The following NFIB variants were observed in gnomAD, a reference collection of about 807,000 sequenced individuals.
NFIB encodes nuclear factor 1 B-type.
Under a neutral mutation model 61.5 loss-of-function variants are expected in NFIB, and 11 were observed. The observed-to-expected ratio is 0.18, with a 90% CI of 0.11 to 0.30. The LOEUF is 0.30. NFIB is among the 10% of genes least tolerant of loss of function. The probability of loss-of-function intolerance (pLI) is 1.00; values close to 1 mark genes in which losing one functional copy is unlikely to be tolerated. For synonymous variants in NFIB, 260 were observed against 216.5 expected (o/e 1.20, Z -1.76); for missense variants, 471 against 608.9 (o/e 0.77, Z 2.38).
chr9:14,389,903 G>T (rs564747552), intron 1 of NFIB, among the ~76,000 whole-genome samples: 2 of 152,158 alleles, frequency 1.3e-5, no homozygotes, highest in Non-Finnish European at 2.9e-5. Flanking sequence ...TCCTTAGTCT[G>T]GGCAGTTGTG....
the NFIB span, among the ~76,000 whole-genome samples, chr9:14,507,344 T>C: frequency 6.6e-6 from 1 of 152,256 alleles, no homozygotes; most frequent in African/African-American, 2.4e-5. Context: ...AGATGTATTT[T>C]CTATATTATA....
the NFIB span, among the ~76,000 whole-genome samples, chr9:14,472,854 T>C: frequency 1.5e-5 from 2 of 136,258 alleles, no homozygotes; most frequent in Admixed American, 1.4e-4. Flanking sequence ...AAAATAAAAA[T>C]AAAAAAAAAA....
intron 10 of NFIB, chr9:14,096,360 C>A (rs1010674389): frequency 6.6e-6 from 1 of 152,132 alleles, no homozygotes; most frequent in Non-Finnish European, 1.5e-5. Context: ...CCTAAGCGAA[C>A]AAAGAGTGCT....
chr9:14,451,396 T>C, the NFIB span, among the ~76,000 whole-genome samples: 2 of 152,240 alleles, frequency 1.3e-5, no homozygotes, highest in African/African-American at 2.4e-5. Context: ...TGAACCTTAA[T>C]GTGCTCACTA....
chr9:14,475,535 C>A, the NFIB span, among the ~76,000 whole-genome samples: 3 of 152,278 alleles, frequency 2.0e-5, no homozygotes, highest in South Asian at 6.2e-4. Flanking sequence ...CCCACTGCTT[C>A]CTGTCCTTCA....
the NFIB span, among the ~76,000 whole-genome samples, chr9:14,455,934 C>T: frequency 6.6e-6 from 1 of 151,984 alleles, no homozygotes; most frequent in African/African-American, 2.4e-5. Context: ...AAATAAAAAA[C>T]ATATACAAGT....
the NFIB span, among the ~76,000 whole-genome samples, chr9:14,521,078 C>G: frequency 6.6e-6 from 1 of 152,174 alleles, no homozygotes; most frequent in Admixed American, 6.5e-5. Flanking sequence ...ACCCTATTCA[C>G]AAAGTGGTGG....
In NFIB at chr9:14,082,668, G is replaced by GTTT. The variant is rs35029845; in HGVS notation, c.*5638_*5640dup. On this transcript the variant is annotated 3_prime_UTR_variant, in exon 11 of 11. Coordinates refer to ENST00000380953, the MANE Select transcript of NFIB (RefSeq NM_001190737.2). The stretch of plus-strand genomic sequence containing the variant: ...GAGTTTTTTGGTAAACATTTTGCTG[G>GTTT]TTTTTTTTTTTTGTTTGTTTCTTTC... 15 of 174,954 alleles carry GTTT rather than the reference G, an allele frequency of 8.6e-5. No individual in the cohort carries two copies. The highest frequency in any genetic ancestry group is 2.1e-4 in the South Asian group (1 of 4,776). 10.8% of individuals were successfully genotyped at this position (174,954 alleles called of 1,614,324 possible).
Position 14,313,463 on chromosome 9 carries a change from A to C in NFIB, c.30+19T>G. ...TTCGGGCCAGAGAGAAAGCTCGAGA[A>C]AGCGACCGAGACATGTACCTGAGTG... On this transcript the variant is annotated intron_variant, in intron 1 of 10. Transcript: ENST00000380953. This position sits in a 1 kb window ranked among gnomAD's most constrained non-coding sequence, Gnocchi z 4.5. 6.2e-7 allele frequency: 1 copy of C among 1,613,886 alleles called. No homozygotes were observed. The highest frequency in any genetic ancestry group is 8.5e-7 in the Non-Finnish European group (1 of 1,179,868).
the NFIB span, among the ~76,000 whole-genome samples, chr9:14,496,583 A>G: frequency 1.3e-5 from 2 of 152,186 alleles, no homozygotes; most frequent in South Asian, 2.1e-4. Flanking sequence ...TCTTTGCTCC[A>G]TCTTAGTTGT....
intron 9 of NFIB, 154 bp downstream of exon 9, chr9:14,116,054 A>G (rs1587323961): frequency 1.1e-6 from 1 of 881,916 alleles, no homozygotes; most frequent in Non-Finnish European, 1.5e-6. Flanking sequence ...CATGCCTGCT[A>G]GCTCCACTTA....
At chr9:14,481,215 A>G in the NFIB span, among the ~76,000 whole-genome samples, 25 of 108,440 alleles carry the variant, frequency 2.3e-4, no homozygotes, top group African/African-American at 6.4e-4. Context: ...ATATATATAT[A>G]TATATATATA....
At chr9:14,507,251 A>G in the NFIB span, among the ~76,000 whole-genome samples, 2 of 152,210 alleles carry the variant, frequency 1.3e-5, no homozygotes, top group East Asian at 3.8e-4. Flanking sequence ...TTACTCCACT[A>G]TCATGATCTT....
intron 1 of NFIB, among the ~76,000 whole-genome samples, chr9:14,334,648 T>G (rs1295260904): frequency 6.6e-6 from 1 of 152,198 alleles, no homozygotes; most frequent in Non-Finnish European, 1.5e-5. Flanking sequence ...TCCACTCTTT[T>G]AATGTTGCAA....
rs2060411334 is a variant in NFIB, at chr9:14,313,894, G to A, written c.-383C>T. The A allele has an allele frequency of 9.2e-7, 1 of 1,084,148 alleles. No individual in the cohort carries two copies. Among genetic ancestry groups the A allele is most frequent in the Non-Finnish European group, 1.1e-6 (1 of 892,830 alleles). The allele number at this position is 1,084,148 out of a possible 1,614,324, so 67.2% of individuals were successfully genotyped here. A position where few individuals can be genotyped will look rare whatever the true frequency, so the allele number is the denominator to read the frequency against. ...TGTAGGGGGTGCGCGAAGGTTCGGT[G>A]TGGGTTGGATTGGGGTGGTGGTTGG... On this transcript the variant is annotated 5_prime_UTR_variant, in exon 1 of 11. Coordinates refer to ENST00000380953, the MANE Select transcript of NFIB (RefSeq NM_001190737.2). This position sits in a 1 kb window ranked among gnomAD's most constrained non-coding sequence, Gnocchi z 4.5.
chr9:14,316,151 T>C (rs2060534749), upstream of NFIB, among the ~76,000 whole-genome samples: 1 of 152,184 alleles, frequency 6.6e-6, no homozygotes, highest in African/African-American at 2.4e-5. Context: ...ATCAAGCATT[T>C]CACAACGACA....
At chr9:14,172,237 G>C (rs1331495288) in intron 3 of NFIB, among the ~76,000 whole-genome samples, 1 of 152,174 alleles carries the variant, frequency 6.6e-6, no homozygotes, top group Non-Finnish European at 1.5e-5. Flanking sequence ...GAAGAAGAGA[G>C]AGAGATGAGA....
At chr9:14,288,401 T>C (rs555525647) in intron 2 of NFIB, among the ~76,000 whole-genome samples, 1 of 152,126 alleles carries the variant, frequency 6.6e-6, no homozygotes, top group African/African-American at 2.4e-5. Context: ...GCATCTGTGT[T>C]AAAATTCCTA....
At chr9:14,494,790 T>C in the NFIB span, among the ~76,000 whole-genome samples, 1 of 152,156 alleles carries the variant, frequency 6.6e-6, no homozygotes, top group Non-Finnish European at 1.5e-5. Context: ...TGTTTGTGCC[T>C]CTGAAGTCCT....
Sources: allele counts gnomAD v4.1 joint callset (sites outside exome capture counted in the v4.1 genomes callset), GRCh38; gene constraint gnomAD v4.1.1; non-coding constraint Gnocchi (gnomAD v3.1); transcripts MANE v1.5; gene names NCBI Gene and HGNC (gene_info 2026-07-23, HGNC 2026-07-21).